The following MEX3D variants were observed in gnomAD, a reference collection of about 807,000 sequenced individuals.
MEX3D encodes the protein RNA-binding protein MEX3D.
In MEX3D, 4 loss-of-function variants were observed where a neutral mutation model predicts 6.3. That is an observed-to-expected ratio of 0.64 (90% confidence interval 0.31 to 1.46). The LOEUF is 1.46. MEX3D is among the 40% of genes most tolerant of loss of function. The pLI, the probability that MEX3D is intolerant of heterozygous loss-of-function variation, is 0.07. For missense variants in MEX3D, 1,038 were observed against 994.4 expected (o/e 1.04, Z -0.59); for synonymous variants, 626 against 494.1 (o/e 1.27, Z -3.54).
At chr19:1,558,168 T>A (rs1246751174) in intron 1 of MEX3D, among the ~76,000 whole-genome samples, 1 of 151,342 alleles carries the variant, frequency 6.6e-6, no homozygotes, top group Non-Finnish European at 1.5e-5. Flanking sequence ...GAGACCAGCC[T>A]GGGCAACACA....
intron 1 of MEX3D, among the ~76,000 whole-genome samples, chr19:1,565,259 T>G (rs1914810750): frequency 6.6e-6 from 1 of 152,066 alleles, no homozygotes; most frequent in African/African-American, 2.4e-5. Flanking sequence ...TAAATAAAAC[T>G]GGCCGTGCGC....
chr19:1,566,363 G>A (rs933981974), intron 1 of MEX3D, among the ~76,000 whole-genome samples: 3 of 152,214 alleles, frequency 2.0e-5, no homozygotes, highest in South Asian at 4.1e-4. Context: ...GCGGAGGGGA[G>A]GGCGCCCTGG....
At chr19:1,558,993 T>C (rs547506794) in intron 1 of MEX3D, among the ~76,000 whole-genome samples, 22 of 151,788 alleles carry the variant, frequency 1.4e-4, no homozygotes, top group Non-Finnish European at 2.7e-4. Context: ...TTTTTTTTTT[T>C]CTTTTCCTTT....
intron 1 of MEX3D, among the ~76,000 whole-genome samples, chr19:1,562,260 C>CA (rs34005757): frequency 0.021 from 2,115 of 99,760 alleles, 60 homozygotes; most frequent in Admixed American, 0.093. Context: ...GACTCCGTCT[C>CA]AAAAAAAAAA....
At position 1,556,184 on chromosome 19, in the gene MEX3D, C is replaced by T. The variant is rs759645846; in HGVS notation, c.1335G>A (p.Thr445=). Residue 445 remains threonine, a synonymous_variant, in exon 2 of 2, where the codon ACG becomes ACA. Transcript: ENST00000402693. The surrounding 1 kb of genome is among the most constrained non-coding windows in gnomAD (Gnocchi z 7.5). ...CGAAGTCGCAGTCGTCGGGGGCGGC[C>T]GTCCCCACCGGGGCACCGGGACCCT... ...GAEGPGAPVG[T]AAPDDCDFGF... 24 of 1,457,164 alleles carry T rather than the reference C, an allele frequency of 1.6e-5. No homozygotes were observed. The East Asian group carries it at 5.7e-4, about 35-fold the overall frequency. 90.3% of individuals were successfully genotyped at this position (1,457,164 alleles called of 1,614,324 possible).
Position 1,555,441 on chromosome 19 carries a change from C to CA in MEX3D, c.*121_*122insT, listed in dbSNP as rs3216761. On this transcript the variant is annotated 3_prime_UTR_variant, in exon 2 of 2. Transcript: ENST00000402693. The stretch of plus-strand genomic sequence containing the variant: ...TAAACACTGGCCGCCGCCCACCCCC[C>CA]TGCCCCCTCGGCCTCCGCCCCTCGC... 9 of 1,405,832 alleles carry CA rather than the reference C, an allele frequency of 6.4e-6. No individual in the cohort carries two copies. Among genetic ancestry groups the CA allele is most frequent in the Non-Finnish European group, 8.6e-6 (9 of 1,043,596 alleles). The allele number at this position is 1,405,832 out of a possible 1,614,324, so 87.1% of individuals were successfully genotyped here.
In MEX3D at chr19:1,567,109, C is replaced by A. The variant is rs529705494; in HGVS notation, c.595+355G>T. ...GCCGCCTGTGCTGGGTGTGGGGCGC[C>A]CCCCGCCCGGCCGGAGCCCCGGGCC... On this transcript the variant is annotated intron_variant, in intron 1 of 1. Coordinates refer to ENST00000402693, the MANE Select transcript of MEX3D (RefSeq NM_203304.4). The surrounding 1 kb of genome is among the most constrained non-coding windows in gnomAD (Gnocchi z 6.5). 6.6e-5 allele frequency among the ~76,000 whole-genome samples: 10 copies of A among 152,206 alleles called. No individual in the cohort carries two copies. Among genetic ancestry groups the A allele is most frequent in the South Asian group, 6.2e-4 (3 of 4,832 alleles).
intron 1 of MEX3D, among the ~76,000 whole-genome samples, chr19:1,562,081 G>A (rs1209572909): frequency 2.0e-5 from 3 of 151,952 alleles, no homozygotes; most frequent in Admixed American, 6.5e-5. Context: ...CTAACACGGT[G>A]AAACCCCGTC....
rs2145567085 is a variant in MEX3D at position 1,555,867 on chromosome 19, G to A, written c.1652C>T (p.Ser551Phe). ...LSWRPPQGPV[S>F]FPGGAAFSTA... ...GGAGAAGGCGGCGCCGCCTGGGAAG[G>A]ATACGGGGCCCTGCGGGGGTCGCCA... The change falls in exon 2 of 2, where the codon TCC (serine) becomes TTC (phenylalanine). Residue 551 changes from serine (S) to phenylalanine (F), a missense_variant. Ser to Phe is a radical substitution (Grantham distance 155, BLOSUM62 -2). Around this residue, in one of 5 missense-constraint regions of MEX3D, gnomAD observed 581 missense variants for 516.2 expected, o/e 1.13. Transcript: ENST00000402693. The A allele has an allele frequency of 7.6e-7, 1 of 1,320,236 alleles. No homozygotes were observed. The highest frequency in any genetic ancestry group is 9.6e-7 in the Non-Finnish European group (1 of 1,039,350). The allele number at this position is 1,320,236 out of a possible 1,614,324, so 81.8% of individuals were successfully genotyped here. A position where few individuals can be genotyped will look rare whatever the true frequency, so the allele number is the denominator to read the frequency against.
chr19:1,560,656 C>T (rs1003690744), intron 1 of MEX3D, among the ~76,000 whole-genome samples: 3 of 152,170 alleles, frequency 2.0e-5, no homozygotes, highest in African/African-American at 7.2e-5. Context: ...GTGCTGGGAG[C>T]CACGCGTGCG....
intron 1 of MEX3D, among the ~76,000 whole-genome samples, chr19:1,561,289 G>T (rs1332679400): frequency 1.3e-5 from 2 of 152,172 alleles, no homozygotes; most frequent in Non-Finnish European, 2.9e-5. Flanking sequence ...GGTTTGCCAT[G>T]GCAGGAAGGG....
At position 1,555,243 on chromosome 19, in the gene MEX3D, A is replaced by T; in HGVS notation, c.*320T>A. ...TTTTTGTTTTGCTTTTTTAAAGATC[A>T]CCCTGGAGGGGAGGGGTGTCTAAAA... On this transcript the variant is annotated 3_prime_UTR_variant, in exon 2 of 2. Coordinates refer to ENST00000402693, the MANE Select transcript of MEX3D (RefSeq NM_203304.4). 1 of 1,323,334 alleles carries T rather than the reference A, an allele frequency of 7.6e-7. No homozygotes were observed. The highest frequency in any genetic ancestry group is 2.5e-5 in the Admixed American group (1 of 39,964). 82.0% of individuals were successfully genotyped at this position (1,323,334 alleles called of 1,614,324 possible).
At chr19:1,559,527 A>G (rs563241766) in intron 1 of MEX3D, among the ~76,000 whole-genome samples, 1 of 152,272 alleles carries the variant, frequency 6.6e-6, no homozygotes, top group African/African-American at 2.4e-5. Flanking sequence ...CGGCCTCCCA[A>G]AGTGCTGGGA....
Position 1,568,112 on chromosome 19 carries a change from C to CCCGCGCCGCCCT in MEX3D, c.-66_-55dup, listed in dbSNP as rs1914903647. The CCCGCGCCGCCCT allele has an allele frequency of 1.0e-6, 1 of 978,696 alleles. No homozygotes were observed. The allele number at this position is 978,696 out of a possible 1,614,324, so 60.6% of individuals were successfully genotyped here. A position where few individuals can be genotyped will look rare whatever the true frequency, so the allele number is the denominator to read the frequency against. ...CCTGCCGCCCGCGCCGCCGCCGCCG[C>CCCGCGCCGCCCT]CCGCGCCGCCCTCCGCCTCTGCGAG... On this transcript the variant is annotated 5_prime_UTR_variant, in exon 1 of 2. Coordinates refer to ENST00000402693, the MANE Select transcript of MEX3D (RefSeq NM_203304.4).
chr19:1,555,639 C>G lies in MEX3D; in HGVS notation c.1880G>C (p.Arg627Pro). The change falls in exon 2 of 2, where the codon CGC becomes CCC. Residue 627 changes from arginine (R) to proline (P), a missense_variant. Arg to Pro is a moderately radical substitution (Grantham distance 103). Coordinates refer to ENST00000402693, the MANE Select transcript of MEX3D (RefSeq NM_203304.4). ...HNLFCMDCAV[R>P]ICGKSEPECP... ...CTCGGGCTCGCTCTTGCCGCAGATGCGGACGGCGCAGTCCATGCAGAAGAG... is the reference window on the plus strand; with the variant it reads ...CTCGGGCTCGCTCTTGCCGCAGATGGGGACGGCGCAGTCCATGCAGAAGAG... 2 of 1,588,122 alleles carry G rather than the reference C, an allele frequency of 1.3e-6. No homozygotes were observed. The highest frequency in any genetic ancestry group is 1.7e-6 in the Non-Finnish European group (2 of 1,169,850).
intron 1 of MEX3D, among the ~76,000 whole-genome samples, chr19:1,563,432 A>G (rs1281944562): frequency 6.6e-6 from 1 of 152,198 alleles, no homozygotes; most frequent in African/African-American, 2.4e-5. Flanking sequence ...TCATTCATTC[A>G]TTAGCCACAG....
Position 1,567,918 on chromosome 19 carries a change from C to A in MEX3D, c.141G>T (p.Arg47=), listed in dbSNP as rs1914892479. 1 of 979,740 alleles carries A rather than the reference C, an allele frequency of 1.0e-6. No individual in the cohort carries two copies. The highest frequency in any genetic ancestry group is 1.2e-6 in the Non-Finnish European group (1 of 827,856). 60.7% of individuals were successfully genotyped at this position (979,740 alleles called of 1,614,324 possible). A position where few individuals can be genotyped will look rare whatever the true frequency, so the allele number is the denominator to read the frequency against. Residue 47 remains arginine (R), a synonymous_variant, in exon 1 of 2, where the codon CGG becomes CGT. Transcript: ENST00000402693. The surrounding 1 kb of genome is among the most constrained non-coding windows in gnomAD (Gnocchi z 6.5). ...CCGCGTCGTCGGGTTCGGGCGGCGG[C>A]CGGGGCGCGGGCGCGGCCTCCTGGG... is the stretch of plus-strand genomic sequence containing the variant. ...EGAQEAAPAP[R]PPPEPDDAAA...
chr19:1,555,426 C>T lies in MEX3D; in HGVS notation c.*137G>A, dbSNP rs1268645753. 6.4e-7 allele frequency: 1 copy of T among 1,557,490 alleles called. No individual in the cohort carries two copies. The highest frequency in any genetic ancestry group is 8.6e-7 in the Non-Finnish European group (1 of 1,156,126). ...GTTAAAGCTCATCTGTAAACACTGGCCGCCGCCCACCCCCCTGCCCCCTCG... is the reference window on the plus strand; with the variant it reads ...GTTAAAGCTCATCTGTAAACACTGGTCGCCGCCCACCCCCCTGCCCCCTCG... On this transcript the variant is annotated 3_prime_UTR_variant, in exon 2 of 2. Transcript: ENST00000402693.
At chr19:1,561,579 G>A (rs1013910334) in intron 1 of MEX3D, among the ~76,000 whole-genome samples, 5 of 152,122 alleles carry the variant, frequency 3.3e-5, no homozygotes, top group South Asian at 2.1e-4. Flanking sequence ...ACACCCGTAC[G>A]TAGTTCCGGC....
Sources: gnomAD v4.1 joint callset for allele counts (sites outside exome capture counted in the v4.1 genomes callset) on GRCh38, gnomAD v4.1.1 for gene constraint, gnomAD v4.1.1 regional missense constraint, Gnocchi (gnomAD v3.1) non-coding constraint, MANE v1.5 for transcripts, NCBI Gene and HGNC (gene_info 2026-07-23, HGNC 2026-07-21) for gene names.